The following PHF21A variants were observed in gnomAD, a reference collection of about 807,000 sequenced individuals.
PHF21A encodes the protein BHC80a.
A neutral mutation model predicts 82.5 loss-of-function variants in PHF21A; 11 were observed. That is an observed-to-expected ratio of 0.13 (90% CI 0.08 to 0.22). The LOEUF (loss-of-function observed/expected upper bound fraction) is 0.22, where lower values mean the gene tolerates loss of function less well. Among genes scored for constraint, PHF21A ranks in the 10% least tolerant of loss-of-function variants. The probability of loss-of-function intolerance (pLI) is 1.00; values close to 1 mark genes in which losing one functional copy is unlikely to be tolerated. For missense variants in PHF21A, 579 were observed against 837.8 expected, an observed-to-expected ratio of 0.69 and a Z score of 3.81; for synonymous variants, 297 against 302.8, an observed-to-expected ratio of 0.98 and a Z score of 0.20.
intron 7 of PHF21A, 58 bp downstream of exon 7, chr11:45,979,702 G>T: frequency 6.2e-7 from 1 of 1,611,016 alleles, no homozygotes; most frequent in South Asian, 1.1e-5. Flanking sequence ...AGTTCTATAT[G>T]ACCAACAACA....
chr11:46,069,357 G>C (rs2096630247), intron 6 of PHF21A, among the ~76,000 whole-genome samples: 1 of 152,196 alleles, frequency 6.6e-6, no homozygotes, highest in Non-Finnish European at 1.5e-5. Flanking sequence ...TAAATCTTAG[G>C]AAATTCCTAG....
chr11:46,061,437 C>T (rs1171120603), intron 6 of PHF21A, among the ~76,000 whole-genome samples: 4 of 152,240 alleles, frequency 2.6e-5, no homozygotes, highest in African/African-American at 9.6e-5. Context: ...ATATTTAAGG[C>T]TTGTATTATT....
chr11:46,107,265 G>A (rs1221488447), intron 1 of PHF21A, among the ~76,000 whole-genome samples: 1 of 152,158 alleles, frequency 6.6e-6, no homozygotes, highest in Non-Finnish European at 1.5e-5. Flanking sequence ...CAAGATGACT[G>A]AGTCTAGAAT....
At chr11:46,005,189 CT>C (rs1354760466) in intron 6 of PHF21A, among the ~76,000 whole-genome samples, 3 of 152,122 alleles carry the variant, frequency 2.0e-5, no homozygotes, top group African/African-American at 7.2e-5. Flanking sequence ...AAATCCAAAA[CT>C]TTTTGAGCAC....
chr11:45,984,522 G>A (rs1278036299), intron 6 of PHF21A, among the ~76,000 whole-genome samples: 1 of 152,206 alleles, frequency 6.6e-6, no homozygotes, highest in Non-Finnish European at 1.5e-5. Flanking sequence ...GTGTTCACAC[G>A]ACAGCAAGAC....
At chr11:46,047,966 T>C (rs543104560) in intron 6 of PHF21A, among the ~76,000 whole-genome samples, 7 of 152,246 alleles carry the variant, frequency 4.6e-5, no homozygotes, top group Non-Finnish European at 8.8e-5. Context: ...AAATATGTAA[T>C]ACTTTTTTAA....
intron 6 of PHF21A, among the ~76,000 whole-genome samples, chr11:46,042,721 AT>A (rs1292971144): frequency 6.6e-6 from 1 of 152,038 alleles, no homozygotes; most frequent in Non-Finnish European, 1.5e-5. Flanking sequence ...TCCTTCACAA[AT>A]GAGATTAGTG....
At chr11:45,973,084 A>G (rs10838537) in intron 7 of PHF21A, among the ~76,000 whole-genome samples, 1 of 152,020 alleles carries the variant, frequency 6.6e-6, no homozygotes, top group Non-Finnish European at 1.5e-5. Flanking sequence ...GTCTCAAAAA[A>G]AAATAAATAA....
intron 10 of PHF21A, among the ~76,000 whole-genome samples, chr11:45,959,220 C>A (rs769431356): frequency 3.9e-5 from 6 of 152,144 alleles, no homozygotes; most frequent in South Asian, 2.1e-4. Flanking sequence ...ACTACACACA[C>A]AAAAAAGGTT....
intron 6 of PHF21A, among the ~76,000 whole-genome samples, chr11:46,065,949 A>C (rs2096588859): frequency 6.6e-6 from 1 of 152,202 alleles, no homozygotes; most frequent in Non-Finnish European, 1.5e-5. Flanking sequence ...ATGCCATGAG[A>C]TGTTAGGGCG....
intron 6 of PHF21A, among the ~76,000 whole-genome samples, chr11:45,980,277 C>T (rs1175678618): frequency 6.6e-6 from 1 of 152,172 alleles, no homozygotes; most frequent in Admixed American, 6.5e-5. Flanking sequence ...CAGTATACAA[C>T]GTAGCAGTAA....
chr11:46,029,652 C>T (rs1470996462), intron 6 of PHF21A, among the ~76,000 whole-genome samples: 1 of 147,894 alleles, frequency 6.8e-6, no homozygotes, highest in Non-Finnish European at 1.5e-5. Flanking sequence ...CGTGCCACTG[C>T]ACTAGAGCCT....
chr11:45,934,679 A>G (rs2088400553), intron 18 of PHF21A: 2 of 304,836 alleles, frequency 6.6e-6, no homozygotes, highest in African/African-American at 2.2e-5. Context: ...ACACAGTGCT[A>G]TCTGGATTCC....
In PHF21A at chr11:46,085,831, G is replaced by A. The variant is rs527284087; in HGVS notation, c.-83-1529C>T. On this transcript the variant is annotated intron_variant, in intron 3 of 18. Transcript: ENST00000676320. Reference sequence around the variant, plus strand: ...AGGGAGTATATTCTTGTGAATATGAGTTTTCAATATATTTGCTTATTCTCA... The same window carrying A: ...AGGGAGTATATTCTTGTGAATATGAATTTTCAATATATTTGCTTATTCTCA... Among the ~76,000 whole-genome samples, 8 of 152,092 alleles carry A rather than the reference G, an allele frequency of 5.3e-5. No individual in the cohort carries two copies. In the East Asian group the frequency reaches 1.5e-3, roughly 29 times the overall value.
chr11:46,066,956 T>C lies in PHF21A; in HGVS notation c.153+9798A>G, dbSNP rs2096601526. Among the ~76,000 whole-genome samples, 3 of 152,216 alleles carry C rather than the reference T, an allele frequency of 2.0e-5. No individual in the cohort carries two copies. The South Asian group carries it at 6.2e-4, about 32-fold the overall frequency. ...TACTGAATTATACCGTATGTCTGTT[T>C]TACAATTTGCTTTTTTAACTTTCTA... On this transcript the variant is annotated intron_variant, in intron 6 of 18. Transcript: ENST00000676320.
At chr11:46,104,361 T>C (rs2097131154) in intron 1 of PHF21A, among the ~76,000 whole-genome samples, 1 of 152,016 alleles carries the variant, frequency 6.6e-6, no homozygotes, top group African/African-American at 2.4e-5. Flanking sequence ...AGACCTACTA[T>C]AAACTGCATC....
chr11:46,029,958 A>G (rs1440924272), intron 6 of PHF21A, among the ~76,000 whole-genome samples: 1 of 152,252 alleles, frequency 6.6e-6, no homozygotes, highest in Non-Finnish European at 1.5e-5. Flanking sequence ...CATAATTTGG[A>G]TAGTCTTTAT....
chr11:45,948,290 T>C (rs1374213244), intron 14 of PHF21A, among the ~76,000 whole-genome samples: 2 of 152,222 alleles, frequency 1.3e-5, no homozygotes, highest in Non-Finnish European at 2.9e-5. Context: ...GATTCTGGAA[T>C]GTCCATGGGA....
intron 17 of PHF21A, 54 bp downstream of exon 17, chr11:45,936,439 AT>A: frequency 3.8e-6 from 4 of 1,042,440 alleles, no homozygotes; most frequent in Admixed American, 4.2e-5. Context: ...TACTGCCAGT[AT>A]TTTTTTCAAA....
Sources: allele counts gnomAD v4.1 joint callset (sites outside exome capture counted in the v4.1 genomes callset), GRCh38; gene constraint gnomAD v4.1.1; transcripts MANE v1.5; gene names NCBI Gene and HGNC (gene_info 2026-07-23, HGNC 2026-07-21).